Variants in ZBTB17 observed in about 807,000 individuals in gnomAD.
The protein encoded by ZBTB17 is zinc finger and BTB domain containing 17.
A neutral mutation model predicts 85.1 loss-of-function variants in ZBTB17; 24 were observed. The ratio of observed to expected loss-of-function variants is 0.28; its 90% CI spans 0.20 to 0.40. The LOEUF (loss-of-function observed/expected upper bound fraction) is 0.40, where lower values mean the gene tolerates loss of function less well. Ranked by LOEUF, ZBTB17 falls within the 10% of genes least tolerant of loss-of-function variation. The pLI, the probability that ZBTB17 is intolerant of heterozygous loss-of-function variation, is 1.00. For synonymous variants in ZBTB17, 464 were observed against 460.2 expected (o/e 1.01, Z -0.11); for missense variants, 743 against 1,105.1 (o/e 0.67, Z 4.65).
chr1:15,971,305 ATCTC>A (rs1052425537), intron 2 of ZBTB17, among the ~76,000 whole-genome samples: 14 of 149,124 alleles, frequency 9.4e-5, no homozygotes, highest in African/African-American at 2.2e-4. Context: ...GGTGGGGGAA[ATCTC>A]TCTCTCTCTC....
intron 2 of ZBTB17, among the ~76,000 whole-genome samples, chr1:15,962,851 G>A (rs1191769038): frequency 6.6e-6 from 1 of 152,142 alleles, no homozygotes; most frequent in African/African-American, 2.4e-5. Flanking sequence ...TGAAGCAGGA[G>A]GATCACTTGA....
At chr1:15,949,778 G>A (rs1015954173) in intron 2 of ZBTB17, among the ~76,000 whole-genome samples, 2 of 152,212 alleles carry the variant, frequency 1.3e-5, no homozygotes, top group African/African-American at 4.8e-5. Flanking sequence ...AGGAAGCCAC[G>A]CCCCTCACAC....
At chr1:15,963,528 G>A (rs887156492) in intron 2 of ZBTB17, among the ~76,000 whole-genome samples, 7 of 152,174 alleles carry the variant, frequency 4.6e-5, no homozygotes, top group Non-Finnish European at 1.0e-4. Flanking sequence ...CCCAGAGGGA[G>A]GTCTCACTGA....
Position 15,945,190 on chromosome 1 carries a change from T to A in ZBTB17, c.674A>T (p.Glu225Val), listed in dbSNP as rs1373912753. The change falls in exon 7 of 16, where the codon GAG (glutamate) becomes GTG (valine). Residue 225 changes from glutamate to valine, a missense_variant. Physicochemically the swap from Glu to Val is moderately radical, Grantham distance 121. Coordinates refer to ENST00000375743, the MANE Select transcript of ZBTB17 (RefSeq NM_003443.3). Reference sequence around the variant, plus strand: ...CTCCTCTTCCCCTTTCCGGGCGGGCTCCACCTCCATTTCTGCGGAGAAAAG... The same window carrying A: ...CTCCTCTTCCCCTTTCCGGGCGGGCACCACCTCCATTTCTGCGGAGAAAAG... ...SESSEQEMEV[E>V]PARKGEEEQK... 1.3e-6 allele frequency: 2 copies of A among 1,553,950 alleles called. No individual in the cohort carries two copies. The highest frequency in any genetic ancestry group is 2.7e-5 in the African/African-American group (2 of 73,238).
At chr1:15,949,908 G>A (rs1035153880) in intron 2 of ZBTB17, among the ~76,000 whole-genome samples, 15 of 152,230 alleles carry the variant, frequency 9.9e-5, no homozygotes, top group Non-Finnish European at 2.2e-4. Flanking sequence ...CGGGGAGCAT[G>A]GCAGTGGCAA....
intron 2 of ZBTB17, among the ~76,000 whole-genome samples, chr1:15,970,975 C>T (rs1304474751): frequency 1.3e-5 from 2 of 152,254 alleles, no homozygotes; most frequent in East Asian, 3.9e-4. Flanking sequence ...AAGCATGTGG[C>T]CCTTTGTGAC....
chr1:15,943,322 G>A, intron 12 of ZBTB17, 77 bp downstream of exon 12: 1 of 1,584,848 alleles, frequency 6.3e-7, no homozygotes, highest in Non-Finnish European at 8.6e-7. Context: ...TCAGTCCCCA[G>A]CCAAGCCCCC....
chr1:15,969,306 C>A (rs1022425282), intron 2 of ZBTB17, among the ~76,000 whole-genome samples: 1 of 152,170 alleles, frequency 6.6e-6, no homozygotes, highest in Admixed American at 6.5e-5. Context: ...ACAATTATTT[C>A]ATTATATATT....
At chr1:15,948,239 C>A in intron 3 of ZBTB17, 52 bp downstream of exon 3, 1 of 1,606,104 alleles carries the variant, frequency 6.2e-7, no homozygotes, top group Non-Finnish European at 8.5e-7. Context: ...GGCACAGGGC[C>A]GGCCATAGCT....
Position 15,964,172 on chromosome 1 carries a change from T to C in ZBTB17, c.-3+8867A>G, listed in dbSNP as rs890745744. ...AGAACTAAAATGCACACCCACAGAATAAAAGTGGAAGAGAAAGTGATAGCA... is the reference window on the plus strand; with the variant it reads ...AGAACTAAAATGCACACCCACAGAACAAAAGTGGAAGAGAAAGTGATAGCA... On this transcript the variant is annotated intron_variant, in intron 2 of 15. Transcript: ENST00000375743. The surrounding 1 kb of genome is among the most constrained non-coding windows in gnomAD (Gnocchi z 4.3). 1.3e-5 allele frequency among the ~76,000 whole-genome samples: 2 copies of C among 150,858 alleles called. No homozygotes were observed. The highest frequency in any genetic ancestry group is 6.6e-5 in the Admixed American group (1 of 15,158).
chr1:15,971,464 T>TATAC lies in ZBTB17; in HGVS notation c.-3+1574_-3+1575insGTAT, dbSNP rs1557799713. Among the ~76,000 whole-genome samples, 10 of 125,118 alleles carry TATAC rather than the reference T, an allele frequency of 8.0e-5. 1 individual carries two copies. Among genetic ancestry groups the TATAC allele is most frequent in the Non-Finnish European group, 1.5e-4 (9 of 58,248 alleles). 82.1% of individuals were successfully genotyped at this position (125,118 alleles called of 152,430 possible). A position where few individuals can be genotyped will look rare whatever the true frequency, so the allele number is the denominator to read the frequency against. On this transcript the variant is annotated intron_variant, in intron 2 of 15. Transcript: ENST00000375743. ...TATATATATACACACACACTATATA[T>TATAC]ACACACACACTATATATATACACAC... is the stretch of plus-strand genomic sequence containing the variant.
intron 2 of ZBTB17, among the ~76,000 whole-genome samples, chr1:15,971,424 TATATAC>T (rs2072656730): frequency 8.0e-6 from 1 of 125,594 alleles, no homozygotes; most frequent in African/African-American, 3.2e-5. Context: ...ACACTATATA[TATATAC>T]ACACACACTA....
intron 2 of ZBTB17, among the ~76,000 whole-genome samples, chr1:15,949,935 C>T (rs149963697): frequency 0.013 from 1,980 of 152,332 alleles, 18 homozygotes; most frequent in African/African-American, 0.025. Context: ...TGAGCCACAG[C>T]GCACCAGCCT....
At chr1:15,946,091 C>T in intron 5 of ZBTB17, 63 bp downstream of exon 5, 1 of 1,599,608 alleles carries the variant, frequency 6.3e-7, no homozygotes, top group Non-Finnish European at 8.5e-7. Context: ...GCCCTCACTA[C>T]CCTGTGCCCA....
intron 2 of ZBTB17, among the ~76,000 whole-genome samples, chr1:15,971,457 C>CTATA (rs66739372): frequency 0.07 from 6,367 of 90,850 alleles, 259 homozygotes; most frequent in Non-Finnish European, 0.088. Flanking sequence ...TACACACACA[C>CTATA]TATATATACA....
At chr1:15,955,560 A>G (rs1360798312) in intron 2 of ZBTB17, among the ~76,000 whole-genome samples, 1 of 152,238 alleles carries the variant, frequency 6.6e-6, no homozygotes, top group African/African-American at 2.4e-5. Context: ...AGTTTGTATT[A>G]TAAAAAAACA....
In ZBTB17 at chr1:15,966,176, G is replaced by C. The variant is rs538949168; in HGVS notation, c.-3+6863C>G. On this transcript the variant is annotated intron_variant, in intron 2 of 15. Transcript: ENST00000375743. The surrounding 1 kb of genome is among the most constrained non-coding windows in gnomAD (Gnocchi z 4.1). The stretch of plus-strand genomic sequence containing the variant: ...GGAAAATCCCTGAGGGGCCCACATG[G>C]CCCCGAGACTACAGAAATGAGAAGT... 6.4e-4 allele frequency among the ~76,000 whole-genome samples: 97 copies of C among 152,296 alleles called. 1 individual carries two copies. Among genetic ancestry groups the C allele is most frequent in the African/African-American group, 2.3e-3 (95 of 41,570 alleles).
intron 13 of ZBTB17, 71 bp from the exon 14 acceptor site, chr1:15,942,809 A>T: frequency 6.4e-7 from 1 of 1,552,834 alleles, no homozygotes. Context: ...GCCCTCAATG[A>T]CTCGTTTGCC....
At chr1:15,945,889 G>A in intron 5 of ZBTB17, 49 bp from the exon 6 acceptor site, 2 of 1,568,246 alleles carry the variant, frequency 1.3e-6, no homozygotes, top group Non-Finnish European at 1.7e-6. Flanking sequence ...CTGCCCAGGG[G>A]TCGGATACCT....
Sources: gnomAD v4.1 joint callset for allele counts (sites outside exome capture counted in the v4.1 genomes callset) on GRCh38, gnomAD v4.1.1 for gene constraint, Gnocchi (gnomAD v3.1) non-coding constraint, MANE v1.5 for transcripts, NCBI Gene and HGNC (gene_info 2026-07-23, HGNC 2026-07-21) for gene names.